ERBB4: variants seen among roughly 807,000 people sequenced by gnomAD.
ERBB4 encodes the protein erb-b2 receptor tyrosine kinase 4.
Under a neutral mutation model 158.0 loss-of-function variants are expected in ERBB4, and 42 were observed. The ratio of observed to expected loss-of-function variants is 0.27; its 90% CI spans 0.21 to 0.34. The LOEUF (loss-of-function observed/expected upper bound fraction) is 0.34, where lower values mean the gene tolerates loss of function less well. Among genes scored for constraint, ERBB4 ranks in the 10% least tolerant of loss-of-function variants. ERBB4 has a pLI of 1.00. For missense variants in ERBB4, 1,333 were observed against 1,624.1 expected (o/e 0.82, Z 3.08); for synonymous variants, 583 against 558.7 (o/e 1.04, Z -0.61).
intron 19 of ERBB4, among the ~76,000 whole-genome samples, chr2:211,572,475 G>T (rs1037314156): frequency 6.6e-6 from 1 of 152,006 alleles, no homozygotes; most frequent in Non-Finnish European, 1.5e-5. Flanking sequence ...GATGACAACG[G>T]GCTACGACGC....
At position 212,092,651 on chromosome 2, in the gene ERBB4, T is replaced by C. The variant is rs551494156; in HGVS notation, c.234+32101A>G. Among the ~76,000 whole-genome samples, 16 of 152,310 alleles carry C rather than the reference T, an allele frequency of 1.1e-4. No individual in the cohort carries two copies. The South Asian group carries it at 2.5e-3, about 24-fold the overall frequency. ...ACTACATTCCTGTATAGTATAATTA[T>C]ATTTGTTGATTAGATGGTTGAATAC... On this transcript the variant is annotated intron_variant, in intron 2 of 27. Transcript: ENST00000342788.
rs369968697 is a variant in ERBB4 at position 211,719,683 on chromosome 2, G to A, written c.883+2710C>T. Among the ~76,000 whole-genome samples the A allele has an allele frequency of 4.2e-4, 64 of 151,836 alleles. 1 individual carries two copies. The East Asian group carries it at 7.2e-3, about 17-fold the overall frequency. Reference sequence around the variant, plus strand: ...ATCCTGGCTAACACAGTGAAACCCCGTCTCTACTAAAAATCCAAAAAATTA... The same window carrying A: ...ATCCTGGCTAACACAGTGAAACCCCATCTCTACTAAAAATCCAAAAAATTA... On this transcript the variant is annotated intron_variant, in intron 7 of 27. Transcript: ENST00000342788.
At chr2:211,537,709 A>G (rs140966215) in intron 20 of ERBB4, among the ~76,000 whole-genome samples, 1 of 151,972 alleles carries the variant, frequency 6.6e-6, no homozygotes, top group Non-Finnish European at 1.5e-5. Flanking sequence ...ATATTTTAGT[A>G]AGTTTTAAAA....
intron 20 of ERBB4, among the ~76,000 whole-genome samples, chr2:211,477,088 A>T (rs1414040689): frequency 6.6e-6 from 1 of 152,104 alleles, no homozygotes; most frequent in African/African-American, 2.4e-5. Flanking sequence ...AACTAAGCAG[A>T]TTACCCTCCC....
At chr2:211,639,015 C>T (rs771973244) in intron 16 of ERBB4, among the ~76,000 whole-genome samples, 9 of 152,154 alleles carry the variant, frequency 5.9e-5, no homozygotes, top group Non-Finnish European at 1.0e-4. Flanking sequence ...GGATTTTCTA[C>T]AACTAAAGTG....
chr2:211,960,607 C>G (rs1442118401), intron 2 of ERBB4: 1 of 152,072 alleles, frequency 6.6e-6, no homozygotes, highest in Non-Finnish European at 1.5e-5. Flanking sequence ...AAATTTGTTA[C>G]TCACAATTTT....
At chr2:211,690,589 A>G (rs1214715540) in intron 12 of ERBB4, among the ~76,000 whole-genome samples, 1 of 152,228 alleles carries the variant, frequency 6.6e-6, no homozygotes, top group South Asian at 2.1e-4. Context: ...TTTCCAGACC[A>G]ATAGATGATG....
At chr2:212,470,641 G>T (rs766816014) in intron 1 of ERBB4, among the ~76,000 whole-genome samples, 6 of 152,110 alleles carry the variant, frequency 3.9e-5, no homozygotes, top group Non-Finnish European at 7.4e-5. Context: ...ATAGATAGAT[G>T]AGAAGGAAGA....
At chr2:211,564,981 A>C (rs2067506362) in intron 19 of ERBB4, among the ~76,000 whole-genome samples, 1 of 152,146 alleles carries the variant, frequency 6.6e-6, no homozygotes, top group African/African-American at 2.4e-5. Context: ...AAAAAGAAGA[A>C]ATTAACCTGA....
intron 1 of ERBB4, among the ~76,000 whole-genome samples, chr2:212,256,071 C>A (rs1308765608): frequency 6.6e-6 from 1 of 151,294 alleles, no homozygotes; most frequent in Non-Finnish European, 1.5e-5. Context: ...TGGTGTCAAG[C>A]AGTCCTCCCA....
At chr2:211,402,354 G>A (rs879738601) in intron 25 of ERBB4, among the ~76,000 whole-genome samples, 7 of 151,918 alleles carry the variant, frequency 4.6e-5, no homozygotes, top group African/African-American at 1.7e-4. Context: ...AGTTATCCTT[G>A]CAAAAAACGA....
intron 1 of ERBB4, among the ~76,000 whole-genome samples, chr2:212,174,896 C>T (rs1436951122): frequency 1.3e-5 from 2 of 151,990 alleles, no homozygotes; most frequent in Non-Finnish European, 2.9e-5. Flanking sequence ...ATAATTCGAT[C>T]TAAGTCTACT....
At chr2:211,712,565 T>A (rs1247449482) in intron 8 of ERBB4, among the ~76,000 whole-genome samples, 1 of 152,146 alleles carries the variant, frequency 6.6e-6, no homozygotes, top group African/African-American at 2.4e-5. Flanking sequence ...TGCTGGTAAC[T>A]TTAGCAAAAT....
At chr2:212,088,588 A>G (rs1308460923) in intron 2 of ERBB4, among the ~76,000 whole-genome samples, 1 of 152,092 alleles carries the variant, frequency 6.6e-6, no homozygotes, top group African/African-American at 2.4e-5. Context: ...GGTAGCAGCT[A>G]AGAGTCTCAG....
chr2:211,738,361 G>GTTTT (rs10535592), intron 5 of ERBB4, among the ~76,000 whole-genome samples: 25 of 135,430 alleles, frequency 1.8e-4, no homozygotes, highest in Non-Finnish European at 2.8e-4. Context: ...CTTTGTTTTT[G>GTTTT]TTTTTTTTTT....
At chr2:211,645,665 T>C (rs1293947201) in intron 16 of ERBB4, among the ~76,000 whole-genome samples, 1 of 151,652 alleles carries the variant, frequency 6.6e-6, no homozygotes, top group Admixed American at 6.6e-5. Context: ...CAACTTTTGG[T>C]GAAAAACTTG....
chr2:212,021,494 G>A (rs2076648267), intron 2 of ERBB4, among the ~76,000 whole-genome samples: 1 of 152,112 alleles, frequency 6.6e-6, no homozygotes, highest in Non-Finnish European at 1.5e-5. Flanking sequence ...TTAACAAATG[G>A]TGCTGGGAGA....
intron 1 of ERBB4, among the ~76,000 whole-genome samples, chr2:212,190,406 A>G (rs990100026): frequency 9.9e-5 from 15 of 152,106 alleles, no homozygotes; most frequent in East Asian, 1.9e-4. Context: ...GCGTGGTGGC[A>G]GGTGCCTGTA....
chr2:211,455,795 C>A (rs181310137), intron 20 of ERBB4, among the ~76,000 whole-genome samples: 63 of 152,292 alleles, frequency 4.1e-4, no homozygotes, highest in Admixed American at 7.2e-4. Context: ...CAAGAGAGAG[C>A]TTCTTCGTGT....
Sources: gnomAD v4.1 joint callset for allele counts (sites outside exome capture counted in the v4.1 genomes callset) on GRCh38, gnomAD v4.1.1 for gene constraint, MANE v1.5 for transcripts, NCBI Gene and HGNC (gene_info 2026-07-23, HGNC 2026-07-21) for gene names.